TEX9: variants seen among roughly 807,000 people sequenced by gnomAD.
TEX9 encodes testis expressed 9.
In TEX9, 74 loss-of-function variants were observed where a neutral mutation model predicts 59.6. That is an observed-to-expected ratio of 1.24 (90% CI 1.03 to 1.51). TEX9 has a LOEUF of 1.51. Among genes scored for constraint, TEX9 ranks in the 40% most tolerant of loss-of-function variants. TEX9 has a pLI of 0.00. For missense variants in TEX9, 522 were observed against 447.8 expected, an observed-to-expected ratio of 1.17 and a Z score of -1.49; for synonymous variants, 186 against 152.2, an observed-to-expected ratio of 1.22 and a Z score of -1.64.
At chr15:56,398,872 G>A (rs1421602837) in intron 9 of TEX9, among the ~76,000 whole-genome samples, 2 of 152,136 alleles carry the variant, frequency 1.3e-5, no homozygotes, top group Non-Finnish European at 2.9e-5. Context: ...GGTGGTTGAT[G>A]CCTGTAATCC....
chr15:56,338,744 C>T (rs1328557142), intron 1 of TEX9, among the ~76,000 whole-genome samples: 1 of 151,756 alleles, frequency 6.6e-6, no homozygotes, highest in African/African-American at 2.4e-5. Flanking sequence ...TGGTGAAAGC[C>T]CATCTCTACT....
intron 9 of TEX9, among the ~76,000 whole-genome samples, chr15:56,402,178 TC>T (rs1683705310): frequency 6.6e-6 from 1 of 152,128 alleles, no homozygotes. Flanking sequence ...CTTCAAAAGA[TC>T]AATTAATCCA....
chr15:56,294,825 G>A (rs1411334003), intron 1 of TEX9, among the ~76,000 whole-genome samples: 1 of 152,120 alleles, frequency 6.6e-6, no homozygotes, highest in Non-Finnish European at 1.5e-5. Context: ...CTTAGGGTTA[G>A]CTTAGGAACT....
At chr15:56,385,830 A>T (rs912879037) in intron 4 of TEX9, among the ~76,000 whole-genome samples, 2 of 152,116 alleles carry the variant, frequency 1.3e-5, no homozygotes, top group Non-Finnish European at 2.9e-5. Context: ...GGGTTTAGAG[A>T]CAAAAGAGAA....
At chr15:56,325,381 A>G (rs1031401171) in intron 1 of TEX9, among the ~76,000 whole-genome samples, 2 of 152,154 alleles carry the variant, frequency 1.3e-5, no homozygotes, top group African/African-American at 4.8e-5. Context: ...CGTGATTTAG[A>G]AAGTCTGGTA....
intron 9 of TEX9, among the ~76,000 whole-genome samples, chr15:56,405,243 C>G (rs28567497): frequency 0.031 from 4,678 of 150,284 alleles, 176 homozygotes; most frequent in East Asian, 0.093. Flanking sequence ...CGGGAGGGAG[C>G]TTGCGGTAAG....
chr15:56,377,713 G>C (rs1423506071), intron 3 of TEX9, among the ~76,000 whole-genome samples: 1 of 152,046 alleles, frequency 6.6e-6, no homozygotes, highest in African/African-American at 2.4e-5. Context: ...CTTCTGATTT[G>C]GATGCCCTTT....
intron 3 of TEX9, among the ~76,000 whole-genome samples, chr15:56,379,787 T>C (rs2047640082): frequency 6.6e-6 from 1 of 152,186 alleles, no homozygotes. Context: ...TAGCATTATA[T>C]AATGACCTTC....
chr15:56,324,223 C>A (rs1435344802), intron 1 of TEX9, among the ~76,000 whole-genome samples: 1 of 150,724 alleles, frequency 6.6e-6, no homozygotes, highest in African/African-American at 2.4e-5. Flanking sequence ...ATTCTGAATG[C>A]TTCTAAGTAA....
intron 2 of TEX9, among the ~76,000 whole-genome samples, chr15:56,372,582 C>A (rs777279934): frequency 1.3e-5 from 2 of 152,060 alleles, no homozygotes; most frequent in South Asian, 4.2e-4. Context: ...ATCTTAATTG[C>A]AATTTAATCG....
chr15:56,332,475 G>A (rs1485852912), intron 1 of TEX9, among the ~76,000 whole-genome samples: 1 of 136,694 alleles, frequency 7.3e-6, no homozygotes, highest in South Asian at 2.8e-4. Context: ...GTCGTGGGGT[G>A]GGGGGAGGGG....
At position 56,380,541 on chromosome 15, in the gene TEX9, T is replaced by C. The variant is rs1007472951; in HGVS notation, c.184-3411T>C. On this transcript the variant is annotated intron_variant, in intron 3 of 12. Transcript: ENST00000352903. Reference sequence around the variant, plus strand: ...CCTTCTGATGATTTCTTCTTGCTCATTAACATCCTTTTCTTTTAGATTAAA... The same window carrying C: ...CCTTCTGATGATTTCTTCTTGCTCACTAACATCCTTTTCTTTTAGATTAAA... Among the ~76,000 whole-genome samples the C allele has an allele frequency of 2.6e-5, 4 of 151,990 alleles. No homozygotes were observed. In the East Asian group the frequency reaches 7.7e-4, roughly 29 times the overall value.
chr15:56,367,173 A>G (rs1203826798), intron 2 of TEX9, among the ~76,000 whole-genome samples: 3 of 152,206 alleles, frequency 2.0e-5, no homozygotes, highest in African/African-American at 7.2e-5. Context: ...TTATAAAACG[A>G]GATAGCTAAA....
At chr15:56,322,743 G>A (rs906230832) in intron 1 of TEX9, among the ~76,000 whole-genome samples, 3 of 152,106 alleles carry the variant, frequency 2.0e-5, no homozygotes, top group African/African-American at 7.2e-5. Context: ...TCAAAGTTTT[G>A]CCAGATGTGT....
intron 10 of TEX9, among the ~76,000 whole-genome samples, chr15:56,413,788 T>G (rs1197036956): frequency 1.3e-5 from 2 of 151,812 alleles, no homozygotes; most frequent in Non-Finnish European, 2.9e-5. Context: ...ATAATACATT[T>G]TGGATTAAGT....
exon 6 of TEX9, chr15:56,389,369 T>C: frequency 6.2e-7 from 1 of 1,610,940 alleles, no homozygotes; most frequent in Non-Finnish European, 8.5e-7. Flanking sequence ...CAAATTACAC[T>C]CTGCAAATAA....
chr15:56,388,501 A>G lies in TEX9; in HGVS notation c.293A>G (p.His98Arg), dbSNP rs2048061311. 4 of 1,611,578 alleles carry G rather than the reference A, an allele frequency of 2.5e-6. No individual in the cohort carries two copies. The East Asian group carries it at 6.7e-5, about 27-fold the overall frequency. Reference sequence around the variant, plus strand: ...CTGTTACCATCTGAAGGGATAGTTCATCTTCATTCAGAAACTAAGGTATGA... The same window carrying G: ...CTGTTACCATCTGAAGGGATAGTTCGTCTTCATTCAGAAACTAAGGTATGA... Residue 98 changes from histidine (H) to arginine (R), a missense_variant, in exon 5 of 13, where the codon CAT (histidine) becomes CGT (arginine). By Grantham distance (29) the His-to-Arg change is conservative. Coordinates refer to ENST00000352903, the Ensembl canonical transcript of TEX9.
intron 12 of TEX9, among the ~76,000 whole-genome samples, chr15:56,433,662 A>C (rs186959467): frequency 2.0e-5 from 3 of 152,178 alleles, no homozygotes; most frequent in Admixed American, 6.6e-5. Context: ...TCTACCTTCA[A>C]TGCTCTCACT....
chr15:56,453,065 A>C, the TEX9 span, among the ~76,000 whole-genome samples: 1 of 152,166 alleles, frequency 6.6e-6, no homozygotes, highest in African/African-American at 2.4e-5. Context: ...AATTTTTATT[A>C]CAGATATTAC....
Sources: gnomAD v4.1 joint callset for allele counts (sites outside exome capture counted in the v4.1 genomes callset) on GRCh38, gnomAD v4.1.1 for gene constraint, MANE v1.5 for transcripts, NCBI Gene and HGNC (gene_info 2026-07-23, HGNC 2026-07-21) for gene names.